The following SHBG variants were observed in gnomAD, a reference collection of about 807,000 sequenced individuals.
SHBG encodes the protein sex hormone binding globulin, also known as sex hormone-binding globulin.
In SHBG, 37 loss-of-function variants were observed where a neutral mutation model predicts 41.9. The ratio of observed to expected loss-of-function variants is 0.88; its 90% CI spans 0.68 to 1.16. The LOEUF (loss-of-function observed/expected upper bound fraction) is 1.16, where lower values mean the gene tolerates loss of function less well. Ranked by LOEUF, SHBG falls within the 50% of genes most tolerant of loss-of-function variation. The pLI is 0.00. For synonymous variants in SHBG, 217 were observed against 205.8 expected (o/e 1.05, Z -0.47); for missense variants, 466 against 499.9 (o/e 0.93, Z 0.65).
chr17:7,621,051 G>A (rs1351013044), intron 1 of SHBG, among the ~76,000 whole-genome samples: 1 of 123,690 alleles, frequency 8.1e-6, no homozygotes, highest in Admixed American at 1.1e-4. Flanking sequence ...AGCCATGATC[G>A]CACCACTGCA....
intron 1 of SHBG, among the ~76,000 whole-genome samples, chr17:7,621,704 GA>G (rs200605456): frequency 3.2e-4 from 48 of 148,456 alleles, no homozygotes; most frequent in Middle Eastern, 3.5e-3. Flanking sequence ...GTATATCTGT[GA>G]AAAAAAAAAT....
In SHBG at chr17:7,617,006, G is replaced by A. The variant is rs184655607; in HGVS notation, c.-62+2895G>A. ...AATAGGAAAAACTGTCATGAAATAA[G>A]GGTAGTAGCAGGAAAACTTCACATT... On this transcript the variant is annotated intron_variant, in intron 1 of 5. Transcript: ENST00000570547. Among the ~76,000 whole-genome samples, 7 of 152,248 alleles carry A rather than the reference G, an allele frequency of 4.6e-5. No individual in the cohort carries two copies. The East Asian group carries it at 1.2e-3, about 25-fold the overall frequency.
At chr17:7,627,555 G>C (rs1176599777), upstream of SHBG, 7 of 1,607,926 alleles carry the variant, frequency 4.4e-6, no homozygotes, top group Non-Finnish European at 6.0e-6. The surrounding 1 kb of genome is among the most constrained non-coding windows in gnomAD (Gnocchi z 4.8). Context: ...CGGGTTACCG[G>C]CCTGCAGTCT....
At chr17:7,632,333 A>AT (rs960615102) in intron 6 of SHBG, among the ~76,000 whole-genome samples, 2 of 151,226 alleles carry the variant, frequency 1.3e-5, no homozygotes, top group Non-Finnish European at 2.9e-5. Flanking sequence ...TGCCCTAGCT[A>AT]TTTAGGAGCC....
chr17:7,627,757 G>C (rs975112497), upstream of SHBG: 12 of 1,125,254 alleles, frequency 1.1e-5, no homozygotes, highest in African/African-American at 1.5e-5. This position sits in a 1 kb window ranked among gnomAD's most constrained non-coding sequence, Gnocchi z 4.8. Flanking sequence ...GGAGTCGGGG[G>C]GGACGGCGGG....
intron 1 of SHBG, among the ~76,000 whole-genome samples, chr17:7,620,334 T>G (rs1487540583): frequency 6.6e-6 from 1 of 152,042 alleles, no homozygotes; most frequent in Admixed American, 6.6e-5. Context: ...GTTTGTTTTT[T>G]GAGACAGAGT....
In SHBG at chr17:7,630,964, A is replaced by C; in HGVS notation, c.393+95A>C. The C allele has an allele frequency of 4.3e-6, 5 of 1,154,266 alleles. No homozygotes were observed. The highest frequency in any genetic ancestry group is 6.3e-6 in the Non-Finnish European group (5 of 787,476). 71.5% of individuals were successfully genotyped at this position (1,154,266 alleles called of 1,614,324 possible). A position where few individuals can be genotyped will look rare whatever the true frequency, so the allele number is the denominator to read the frequency against. Reference sequence around the variant, plus strand: ...TATTGGGCATCCCTCTACCACTGTCATCTCGTTTAATCCACACGAACCCCC... The same window carrying C: ...TATTGGGCATCCCTCTACCACTGTCCTCTCGTTTAATCCACACGAACCCCC... On this transcript the variant is annotated intron_variant, in intron 3 of 7. Coordinates refer to ENST00000380450, the MANE Select transcript of SHBG (RefSeq NM_001040.5). The surrounding 1 kb of genome is among the most constrained non-coding windows in gnomAD (Gnocchi z 4.6).
chr17:7,619,119 G>T (rs535634448), intron 1 of SHBG, among the ~76,000 whole-genome samples: 3 of 152,246 alleles, frequency 2.0e-5, no homozygotes, highest in Admixed American at 2.0e-4. Flanking sequence ...GGCCAGGCAT[G>T]GTGGCTCACA....
chr17:7,628,190 G>A, upstream of SHBG: 1 of 455,992 alleles, frequency 2.2e-6, no homozygotes, highest in Middle Eastern at 3.3e-4. Flanking sequence ...GCTGTTTCCT[G>A]CAGCTCTTGA....
chr17:7,633,113 C>A (rs2072473760), intron 7 of SHBG, 91 bp from the exon 8 acceptor site: 1 of 1,525,156 alleles, frequency 6.6e-7, no homozygotes, highest in African/African-American at 1.4e-5. Context: ...CTTTTGCAAA[C>A]TCAGGTTGGA....
upstream of SHBG, chr17:7,627,656 A>T: frequency 6.2e-7 from 1 of 1,613,696 alleles, no homozygotes; most frequent in South Asian, 1.1e-5. This position sits in a 1 kb window ranked among gnomAD's most constrained non-coding sequence, Gnocchi z 4.8. Flanking sequence ...GCTGTCTGGG[A>T]CCAAAGTCCC....
At chr17:7,616,398 G>C (rs2071987895) in intron 1 of SHBG, among the ~76,000 whole-genome samples, 1 of 146,776 alleles carries the variant, frequency 6.8e-6, no homozygotes, top group Admixed American at 6.9e-5. Flanking sequence ...ACGAGGTCAG[G>C]AGATCGAGAC....
chr17:7,629,375 CTAAAATAAAATAAAATAAAA>C (rs58676803), upstream of SHBG, among the ~76,000 whole-genome samples: 10 of 146,280 alleles, frequency 6.8e-5, no homozygotes, highest in Admixed American at 4.8e-4. Context: ...AAGACTCTGT[CTAAAATAAAATAAAATAAAA>C]TAAAATAAAA....
At chr17:7,628,444 T>C (rs1288681214), upstream of SHBG, among the ~76,000 whole-genome samples, 2 of 151,438 alleles carry the variant, frequency 1.3e-5, no homozygotes, top group Admixed American at 1.3e-4. Context: ...TTTTTTCTTT[T>C]TTCTTCTCTT....
upstream of SHBG, chr17:7,626,735 C>G (rs374047970): frequency 3.2e-5 from 52 of 1,614,118 alleles, no homozygotes; most frequent in African/African-American, 6.3e-4. Flanking sequence ...TCACTTGTCG[C>G]CCCACCCATC....
rs763874924 is a variant in SHBG, at chr17:7,630,166, G to C, written c.-7G>C. 3.7e-6 allele frequency: 6 copies of C among 1,611,606 alleles called. No homozygotes were observed. In the African/African-American group the frequency reaches 8.0e-5, roughly 22 times the overall value. On this transcript the variant is annotated 5_prime_UTR_variant, in exon 1 of 8. Transcript: ENST00000380450. The surrounding 1 kb of genome is among the most constrained non-coding windows in gnomAD (Gnocchi z 4.6). ...TGTCTGAGCCGCCGAGTGGACAGTG[G>C]CTGATTATGGAGAGCAGAGGCCCAC...
chr17:7,631,481 G>T (rs2072411076), intron 4 of SHBG, 108 bp from the exon 5 acceptor site: 2 of 1,559,150 alleles, frequency 1.3e-6, no homozygotes, highest in Non-Finnish European at 1.8e-6. Flanking sequence ...AGCTGCAAGG[G>T]GGAGGCCAAA....
intron 1 of SHBG, among the ~76,000 whole-genome samples, chr17:7,617,711 G>C (rs2072018483): frequency 6.6e-6 from 1 of 152,174 alleles, no homozygotes; most frequent in Non-Finnish European, 1.5e-5. Flanking sequence ...TGAATAACCA[G>C]AATTCCAGAA....
upstream of SHBG, chr17:7,629,970 C>A: frequency 1.5e-6 from 1 of 645,742 alleles, no homozygotes; most frequent in Admixed American, 2.2e-5. Context: ...GGACTCTGTC[C>A]TTCACCCCAT....
Sources: gnomAD v4.1 joint callset for allele counts (sites outside exome capture counted in the v4.1 genomes callset) on GRCh38, gnomAD v4.1.1 for gene constraint, Gnocchi (gnomAD v3.1) non-coding constraint, MANE v1.5 for transcripts, NCBI Gene and HGNC (gene_info 2026-07-23, HGNC 2026-07-21) for gene names.